Variants in SGCG observed in about 807,000 individuals in gnomAD.
SGCG encodes the protein gamma-sarcoglycan.
A neutral mutation model predicts 29.3 loss-of-function variants in SGCG; 26 were observed. The observed-to-expected ratio is 0.89, with a 90% CI of 0.65 to 1.23. The LOEUF (loss-of-function observed/expected upper bound fraction) is 1.23, where lower values mean the gene tolerates loss of function less well. SGCG is among the 50% of genes most tolerant of loss of function. The probability of loss-of-function intolerance (pLI) is 0.00; values close to 1 mark genes in which losing one functional copy is unlikely to be tolerated. For synonymous variants in SGCG, 145 were observed against 129.7 expected, an observed-to-expected ratio of 1.12 and a Z score of -0.80; for missense variants, 353 against 356.0, an observed-to-expected ratio of 0.99 and a Z score of 0.07.
chr13:23,248,680 C>T (rs7323463), intron 3 of SGCG, among the ~76,000 whole-genome samples: 8 of 145,696 alleles, frequency 5.5e-5, no homozygotes, highest in African/African-American at 2.0e-4. Flanking sequence ...GGCGGCGGAA[C>T]TAGACTCCGT....
At chr13:23,250,779 T>A (rs112136046) in intron 4 of SGCG, 62 bp downstream of exon 4, 7 of 937,500 alleles carry the variant, frequency 7.5e-6, no homozygotes, top group Non-Finnish European at 8.8e-6. Flanking sequence ...GCTAAATGAA[T>A]GCATTGTTTT....
At chr13:23,165,374 T>C in the SGCG span, among the ~76,000 whole-genome samples, 4 of 152,178 alleles carry the variant, frequency 2.6e-5, no homozygotes, top group Admixed American at 6.5e-5. Context: ...GCAAATAATA[T>C]ATGCCTGAGA....
At chr13:23,161,832 C>T in the SGCG span, among the ~76,000 whole-genome samples, 1 of 152,202 alleles carries the variant, frequency 6.6e-6, no homozygotes, top group Non-Finnish European at 1.5e-5. Context: ...CTGTTCTTTT[C>T]ATCTTTAATG....
chr13:23,269,450 T>C (rs746085864), intron 4 of SGCG, among the ~76,000 whole-genome samples: 18 of 152,196 alleles, frequency 1.2e-4, no homozygotes, highest in Non-Finnish European at 2.2e-4. Flanking sequence ...CTTCATCCCG[T>C]CTGCCTCAGT....
At chr13:23,259,114 A>G (rs1273971074) in intron 4 of SGCG, among the ~76,000 whole-genome samples, 1 of 152,194 alleles carries the variant, frequency 6.6e-6, no homozygotes, top group East Asian at 1.9e-4. Context: ...TTTCAGAAGG[A>G]ATGGTACCAG....
At chr13:23,237,979 G>C (rs1879374985) in intron 3 of SGCG, among the ~76,000 whole-genome samples, 1 of 151,708 alleles carries the variant, frequency 6.6e-6, no homozygotes, top group African/African-American at 2.4e-5. Flanking sequence ...GAAATTACAG[G>C]GCAGAAATAA....
chr13:23,304,912 ATATT>A (rs1228301576), intron 6 of SGCG, among the ~76,000 whole-genome samples: 34 of 152,298 alleles, frequency 2.2e-4, no homozygotes, highest in African/African-American at 7.7e-4. Context: ...TACAGAGAAG[ATATT>A]TTAATGTCTG....
chr13:23,281,347 A>G (rs1314564718), intron 5 of SGCG, among the ~76,000 whole-genome samples: 2 of 19,060 alleles, frequency 1.0e-4, no homozygotes, highest in African/African-American at 1.0e-4. Context: ...CTCAGTAATA[A>G]TAATAATAAT....
the SGCG span, among the ~76,000 whole-genome samples, chr13:23,162,444 AC>A: frequency 2.0e-5 from 3 of 152,154 alleles, no homozygotes; most frequent in South Asian, 6.2e-4. Context: ...ACACGGTGAA[AC>A]CCCGTGTCTA....
chr13:23,217,491 T>C (rs1878476972), intron 2 of SGCG: 1 of 152,072 alleles, frequency 6.6e-6, no homozygotes, highest in African/African-American at 2.4e-5. Context: ...ACGTCAATCT[T>C]TTCTGATTTT....
intron 4 of SGCG, among the ~76,000 whole-genome samples, chr13:23,273,915 C>T (rs964359415): frequency 2.6e-5 from 4 of 152,148 alleles, no homozygotes; most frequent in African/African-American, 9.7e-5. Context: ...TTTAGGTCAT[C>T]TCCTCACTTG....
chr13:23,191,685 T>C (rs1038182550), intron 1 of SGCG, among the ~76,000 whole-genome samples: 10 of 152,302 alleles, frequency 6.6e-5, no homozygotes, highest in Admixed American at 3.9e-4. Context: ...AAAAGGGAAG[T>C]GGCCTCAGCT....
At chr13:23,176,791 T>C (rs547770696), upstream of SGCG, among the ~76,000 whole-genome samples, 1 of 152,328 alleles carries the variant, frequency 6.6e-6, no homozygotes, top group African/African-American at 2.4e-5. Flanking sequence ...CCTGGCTGTT[T>C]TGTAGATTCT....
chr13:23,276,300 A>G (rs1206617450), intron 4 of SGCG, among the ~76,000 whole-genome samples: 1 of 152,088 alleles, frequency 6.6e-6, no homozygotes, highest in African/African-American at 2.4e-5. Flanking sequence ...TTAAACATGC[A>G]GGGTCTATTT....
chr13:23,289,134 GC>G (rs1442439858), intron 5 of SGCG, among the ~76,000 whole-genome samples: 1 of 152,206 alleles, frequency 6.6e-6, no homozygotes, highest in Admixed American at 6.5e-5. Context: ...TCTGGAAGGT[GC>G]TTTTAGGAGT....
At chr13:23,221,107 T>C (rs1427348339) in intron 2 of SGCG, among the ~76,000 whole-genome samples, 1 of 152,188 alleles carries the variant, frequency 6.6e-6, no homozygotes, top group Non-Finnish European at 1.5e-5. Flanking sequence ...AGGAAAAGAA[T>C]TTTATAAACT....
chr13:23,277,431 G>A (rs1438285846), intron 4 of SGCG, among the ~76,000 whole-genome samples: 4 of 151,484 alleles, frequency 2.6e-5, no homozygotes, highest in Admixed American at 2.0e-4. Context: ...AAAAGGAGAT[G>A]TAACATAGAG....
chr13:23,308,265 A>G (rs561398), intron 6 of SGCG, among the ~76,000 whole-genome samples: 84,988 of 151,750 alleles, frequency 0.56, 24,723 homozygotes, highest in East Asian at 0.84. Context: ...TTCTTTAATC[A>G]GACAAGAAGT....
the SGCG span, among the ~76,000 whole-genome samples, chr13:23,160,704 C>G: frequency 3.9e-5 from 6 of 152,214 alleles, no homozygotes; most frequent in Admixed American, 3.9e-4. Flanking sequence ...TTCCTGGGTC[C>G]CTTCCTTCTC....
Sources: allele counts gnomAD v4.1 joint callset (sites outside exome capture counted in the v4.1 genomes callset), GRCh38; gene constraint gnomAD v4.1.1; transcripts MANE v1.5; gene names NCBI Gene and HGNC (gene_info 2026-07-23, HGNC 2026-07-21).